Variants in MKLN1 observed in about 807,000 individuals in gnomAD.
MKLN1 encodes the protein muskelin.
Under a neutral mutation model 99.0 loss-of-function variants are expected in MKLN1, and 18 were observed. The ratio of observed to expected loss-of-function variants is 0.18; its 90% CI spans 0.13 to 0.27. MKLN1 has a LOEUF of 0.27. Ranked by LOEUF, MKLN1 falls within the 10% of genes least tolerant of loss-of-function variation. The pLI is 1.00. For synonymous variants in MKLN1, 288 were observed against 293.2 expected, an observed-to-expected ratio of 0.98 and a Z score of 0.18; for missense variants, 621 against 875.9, an observed-to-expected ratio of 0.71 and a Z score of 3.67.
At chr7:131,180,434 C>T (rs1247168165) in intron 2 of MKLN1, among the ~76,000 whole-genome samples, 1 of 152,212 alleles carries the variant, frequency 6.6e-6, no homozygotes, top group African/African-American at 2.4e-5. Context: ...CGCAGTGGCT[C>T]ACGCCTGTAA....
intron 2 of MKLN1, among the ~76,000 whole-genome samples, chr7:131,383,344 A>G (rs1793908524): frequency 6.6e-6 from 1 of 152,202 alleles, no homozygotes; most frequent in African/African-American, 2.4e-5. Context: ...AGAAGCTTAG[A>G]GATAAATGTG....
At chr7:131,260,202 C>A (rs1479566223) in intron 3 of MKLN1, among the ~76,000 whole-genome samples, 1 of 152,074 alleles carries the variant, frequency 6.6e-6, no homozygotes, top group Non-Finnish European at 1.5e-5. Flanking sequence ...GCCACCATGC[C>A]TGGCTAATTT....
At chr7:131,463,608 T>C (rs1375814295) in intron 13 of MKLN1, among the ~76,000 whole-genome samples, 1 of 152,222 alleles carries the variant, frequency 6.6e-6, no homozygotes, top group Non-Finnish European at 1.5e-5. Flanking sequence ...AATTGTATTT[T>C]AGTCTAGGTT....
At chr7:131,362,586 A>G (rs985931874) in intron 1 of MKLN1, among the ~76,000 whole-genome samples, 2 of 152,058 alleles carry the variant, frequency 1.3e-5, no homozygotes, top group African/African-American at 4.8e-5. Context: ...AGTTTGATGT[A>G]TCTGTCTAGT....
At chr7:131,364,586 C>T (rs1563312688) in intron 1 of MKLN1, among the ~76,000 whole-genome samples, 2 of 151,820 alleles carry the variant, frequency 1.3e-5, no homozygotes, top group African/African-American at 4.8e-5. Flanking sequence ...AAGCCTAGTA[C>T]CCAGTAGTGA....
chr7:131,355,145 G>T (rs1255510131), intron 1 of MKLN1, among the ~76,000 whole-genome samples: 2 of 152,184 alleles, frequency 1.3e-5, no homozygotes, highest in Admixed American at 1.3e-4. Context: ...ATATCTTGCT[G>T]CTTTAATTAC....
chr7:131,186,140 G>A (rs1292371258), intron 2 of MKLN1, among the ~76,000 whole-genome samples: 5 of 151,982 alleles, frequency 3.3e-5, no homozygotes, highest in Non-Finnish European at 5.9e-5. Context: ...GCAATGAGCC[G>A]AAATCATGTC....
intron 8 of MKLN1, among the ~76,000 whole-genome samples, chr7:131,418,350 C>T (rs1255908725): frequency 2.1e-5 from 2 of 97,134 alleles, no homozygotes; most frequent in African/African-American, 8.1e-5. Context: ...GCCTGGGAGA[C>T]AAGAGCAAGA....
At chr7:131,246,244 C>T (rs1007189512) in intron 3 of MKLN1, among the ~76,000 whole-genome samples, 2 of 152,324 alleles carry the variant, frequency 1.3e-5, no homozygotes, top group South Asian at 2.1e-4. Context: ...CCTGCCTTGT[C>T]GGCTGCTGAT....
chr7:131,381,076 A>C (rs1289561421), intron 2 of MKLN1, among the ~76,000 whole-genome samples: 3 of 152,228 alleles, frequency 2.0e-5, no homozygotes, highest in African/African-American at 7.2e-5. Context: ...TGATTCATTA[A>C]CATTGAATTC....
chr7:131,251,737 A>C (rs1047927635), intron 3 of MKLN1, among the ~76,000 whole-genome samples: 25 of 151,876 alleles, frequency 1.6e-4, no homozygotes, highest in Admixed American at 1.5e-3. Flanking sequence ...TGGTGTGAAC[A>C]AGACTCACTC....
At chr7:131,349,448 G>A (rs1799656734) in intron 1 of MKLN1, among the ~76,000 whole-genome samples, 1 of 152,170 alleles carries the variant, frequency 6.6e-6, no homozygotes, top group Non-Finnish European at 1.5e-5. Flanking sequence ...ACCTGCCTCA[G>A]CCTCCCAAAG....
intron 4 of MKLN1, among the ~76,000 whole-genome samples, chr7:131,395,077 A>G (rs573626168): frequency 7.9e-5 from 12 of 152,234 alleles, no homozygotes. Context: ...TTAAGCTCAC[A>G]GTGGTGGGTA....
At chr7:131,295,073 A>G (rs913943383) in intron 3 of MKLN1, among the ~76,000 whole-genome samples, 7 of 152,238 alleles carry the variant, frequency 4.6e-5, no homozygotes, top group African/African-American at 1.7e-4. Context: ...GGGGAATTCA[A>G]ATCAAGCTCT....
intron 2 of MKLN1, among the ~76,000 whole-genome samples, chr7:131,198,497 A>G (rs1365385845): frequency 6.6e-6 from 1 of 152,242 alleles, no homozygotes; most frequent in Non-Finnish European, 1.5e-5. Context: ...TAAATGTGAC[A>G]ACACAAAGAA....
At chr7:131,402,674 A>G (rs927661819) in intron 6 of MKLN1, among the ~76,000 whole-genome samples, 1 of 152,230 alleles carries the variant, frequency 6.6e-6, no homozygotes, top group Admixed American at 6.5e-5. Context: ...CAAAATGGAT[A>G]TGTGTTAGTA....
chr7:131,421,871 G>C (rs74372173), intron 8 of MKLN1, among the ~76,000 whole-genome samples: 8,226 of 152,144 alleles, frequency 0.054, 314 homozygotes, highest in Non-Finnish European at 0.075. Context: ...TGTTATTTTG[G>C]TATATTTGTT....
At chr7:131,251,535 T>C (rs1458017813) in intron 3 of MKLN1, among the ~76,000 whole-genome samples, 4 of 152,188 alleles carry the variant, frequency 2.6e-5, no homozygotes, top group African/African-American at 9.7e-5. Context: ...AAATGGCTGA[T>C]GGCGGTACTT....
intron 6 of MKLN1, among the ~76,000 whole-genome samples, chr7:131,407,665 A>G (rs1313867723): frequency 6.7e-6 from 1 of 149,576 alleles, no homozygotes; most frequent in Admixed American, 6.7e-5. Flanking sequence ...CCCAACTGCC[A>G]GACCCTTTTC....
Sources: allele counts gnomAD v4.1 joint callset (sites outside exome capture counted in the v4.1 genomes callset), GRCh38; gene constraint gnomAD v4.1.1; transcripts MANE v1.5; gene names NCBI Gene and HGNC (gene_info 2026-07-23, HGNC 2026-07-21).